TTC6: variants seen among roughly 807,000 people sequenced by gnomAD.
The protein encoded by TTC6 is tetratricopeptide repeat domain 6.
In TTC6, 172 loss-of-function variants were observed where a neutral mutation model predicts 210.4. That is an observed-to-expected ratio of 0.82 (90% CI 0.72 to 0.93). TTC6 has a LOEUF of 0.93. TTC6 is among the 40% of genes least tolerant of loss of function. TTC6 has a pLI of 0.00. For missense variants in TTC6, 2,414 were observed against 2,318.1 expected (o/e 1.04, Z -0.85); for synonymous variants, 804 against 819.6 (o/e 0.98, Z 0.32).
chr14:37,804,635 G>C lies in TTC6; in HGVS notation c.4030-45G>C, dbSNP rs2096114244. ...AGGCTGTAACGTTAAATCAATAGTG[G>C]AAAGAAACATTTCTTGCCCCCTCCC... On this transcript the variant is annotated intron_variant, in intron 20 of 30. Coordinates refer to ENST00000553443, the Ensembl canonical transcript of TTC6. 15 of 1,596,098 alleles carry C rather than the reference G, an allele frequency of 9.4e-6. 1 individual carries two copies. In the South Asian group the frequency reaches 1.5e-4, roughly 16 times the overall value.
chr14:37,782,534 C>T (rs572002772), intron 14 of TTC6, among the ~76,000 whole-genome samples: 5 of 151,908 alleles, frequency 3.3e-5, no homozygotes, highest in South Asian at 2.1e-4. Flanking sequence ...TGGGCTGAGA[C>T]GATGGGGTTT....
intron 3 of TTC6, among the ~76,000 whole-genome samples, chr14:37,696,105 A>T (rs1263369348): frequency 1.3e-5 from 2 of 152,148 alleles, no homozygotes; most frequent in East Asian, 3.9e-4. Flanking sequence ...CTCCTTCTTT[A>T]CTACTGTATC....
intron 29 of TTC6, among the ~76,000 whole-genome samples, chr14:37,834,033 A>T (rs2139030560): frequency 6.6e-6 from 1 of 152,288 alleles, no homozygotes; most frequent in African/African-American, 2.4e-5. Context: ...CTCCTGGTTT[A>T]TAGGATTTCT....
At chr14:37,797,915 C>A (rs1026156358) in intron 20 of TTC6, among the ~76,000 whole-genome samples, 1 of 151,908 alleles carries the variant, frequency 6.6e-6, no homozygotes, top group Admixed American at 6.6e-5. Flanking sequence ...CTTCTTAACC[C>A]AAAAATCTGC....
At chr14:37,784,252 G>A (rs1015790569) in intron 14 of TTC6, among the ~76,000 whole-genome samples, 2 of 152,184 alleles carry the variant, frequency 1.3e-5, no homozygotes, top group African/African-American at 4.8e-5. Flanking sequence ...TTGTGTGGGA[G>A]TCTAAGTCTC....
Position 37,840,961 on chromosome 14 carries a change from C to A in TTC6, c.5299-484C>A, listed in dbSNP as rs145484599. ...TCCACTCAGTGCAACTTCTGCCTCC[C>A]AGGTTCAAGCAGTTCTCCTGCCTCA... is the stretch of plus-strand genomic sequence containing the variant. On this transcript the variant is annotated intron_variant, in intron 29 of 30. Coordinates refer to ENST00000553443, the Ensembl canonical transcript of TTC6. Among the ~76,000 whole-genome samples, 700 of 151,640 alleles carry A rather than the reference C, an allele frequency of 4.6e-3. 4 individuals are homozygous for A. The highest frequency in any genetic ancestry group is 0.014 in the Middle Eastern group (4 of 292).
intron 10 of TTC6, among the ~76,000 whole-genome samples, chr14:37,747,993 A>G (rs894528230): frequency 3.3e-5 from 5 of 152,294 alleles, no homozygotes; most frequent in Middle Eastern, 3.4e-3. Flanking sequence ...CTTGATTTGC[A>G]TACTAGGGGA....
At chr14:37,627,089 TG>T (rs1177326037) in intron 1 of TTC6, among the ~76,000 whole-genome samples, 1 of 152,030 alleles carries the variant, frequency 6.6e-6, no homozygotes, top group Non-Finnish European at 1.5e-5. Flanking sequence ...TAAAAATGTG[TG>T]GCCCCTTCCC....
intron 29 of TTC6, among the ~76,000 whole-genome samples, chr14:37,830,192 T>G (rs1366188589): frequency 1.3e-5 from 2 of 152,140 alleles, no homozygotes; most frequent in East Asian, 3.9e-4. Context: ...TCTGGTGGTA[T>G]ATGTTGGTGT....
chr14:37,841,199 G>A (rs1204761117), intron 29 of TTC6, among the ~76,000 whole-genome samples: 1 of 152,168 alleles, frequency 6.6e-6, no homozygotes, highest in Non-Finnish European at 1.5e-5. Flanking sequence ...GCCAACAGGA[G>A]TATTATATCG....
At chr14:37,749,672 T>TAACA in intron 11 of TTC6, 42 bp from the exon 14 acceptor site, 1 of 1,281,102 alleles carries the variant, frequency 7.8e-7, no homozygotes, top group Non-Finnish European at 1.0e-6. Context: ...TATCCTCCTT[T>TAACA]AACAAATCAA....
At chr14:37,754,791 CT>C (rs1407010051) in intron 14 of TTC6, among the ~76,000 whole-genome samples, 2 of 152,198 alleles carry the variant, frequency 1.3e-5, no homozygotes, top group East Asian at 3.9e-4. Flanking sequence ...GCCACATTTT[CT>C]TTGTAAGTCT....
At chr14:37,640,339 TC>T (rs1453720588) in intron 1 of TTC6, among the ~76,000 whole-genome samples, 2 of 152,164 alleles carry the variant, frequency 1.3e-5, no homozygotes, top group Non-Finnish European at 2.9e-5. Flanking sequence ...GTGATCAATT[TC>T]TATGCATACC....
intron 26 of TTC6, among the ~76,000 whole-genome samples, chr14:37,820,307 A>G (rs1393232434): frequency 6.6e-6 from 1 of 152,314 alleles, no homozygotes; most frequent in East Asian, 1.9e-4. Flanking sequence ...CTGTCTTTCA[A>G]GATCTCTTTT....
intron 3 of TTC6, among the ~76,000 whole-genome samples, chr14:37,685,698 AT>A (rs982618955): frequency 2.0e-5 from 3 of 152,196 alleles, no homozygotes; most frequent in Non-Finnish European, 2.9e-5. Context: ...TTTGTAAAAG[AT>A]TTTAAGAGTT....
intron 1 of TTC6, among the ~76,000 whole-genome samples, chr14:37,629,223 T>G (rs902250354): frequency 6.6e-6 from 1 of 152,208 alleles, no homozygotes; most frequent in Non-Finnish European, 1.5e-5. Flanking sequence ...CGATATTGAT[T>G]CTTCCTATCC....
At chr14:37,624,027 T>C (rs537726171) in intron 1 of TTC6, among the ~76,000 whole-genome samples, 10 of 152,334 alleles carry the variant, frequency 6.6e-5, no homozygotes, top group African/African-American at 1.2e-4. Context: ...TACAAATATC[T>C]TATTAGTACA....
chr14:37,650,165 CG>C (rs1566863281), intron 1 of TTC6, among the ~76,000 whole-genome samples: 1 of 152,146 alleles, frequency 6.6e-6, no homozygotes, highest in East Asian at 1.9e-4. Flanking sequence ...AGGTGTGCCC[CG>C]GCAGAGGCGC....
chr14:37,627,326 A>G (rs1315740828), intron 1 of TTC6, among the ~76,000 whole-genome samples: 3 of 150,904 alleles, frequency 2.0e-5, no homozygotes, highest in Non-Finnish European at 3.0e-5. Flanking sequence ...TATTTTTATT[A>G]TTATACTTTA....
Sources: allele counts gnomAD v4.1 joint callset (sites outside exome capture counted in the v4.1 genomes callset), GRCh38; gene constraint gnomAD v4.1.1; transcripts MANE v1.5; gene names NCBI Gene and HGNC (gene_info 2026-07-23, HGNC 2026-07-21).